Variants in CCDC171 observed in about 807,000 individuals in gnomAD.
CCDC171 encodes coiled-coil domain-containing protein 171.
Under a neutral mutation model 168.2 loss-of-function variants are expected in CCDC171, and 177 were observed. That is an observed-to-expected ratio of 1.05 (90% CI 0.93 to 1.19). The LOEUF (loss-of-function observed/expected upper bound fraction) is 1.19, where lower values mean the gene tolerates loss of function less well. Ranked by LOEUF, CCDC171 falls within the 50% of genes most tolerant of loss-of-function variation. The pLI is 0.00. For synonymous variants in CCDC171, 687 were observed against 540.8 expected, an observed-to-expected ratio of 1.27 and a Z score of -3.75; for missense variants, 1,991 against 1,539.0, an observed-to-expected ratio of 1.29 and a Z score of -4.91.
intron 24 of CCDC171, among the ~76,000 whole-genome samples, chr9:15,895,821 T>C (rs550630678): frequency 1.3e-5 from 2 of 152,156 alleles, no homozygotes; most frequent in South Asian, 4.1e-4. Context: ...AATTTACCAA[T>C]ATGACAAGCA....
intron 16 of CCDC171, among the ~76,000 whole-genome samples, chr9:15,733,050 T>A (rs2054251170): frequency 6.6e-6 from 1 of 152,158 alleles, no homozygotes; most frequent in South Asian, 2.1e-4. Context: ...CGATTTACAT[T>A]TTCCCTACTG....
At chr9:15,887,239 A>T (rs1819551863) in intron 24 of CCDC171, among the ~76,000 whole-genome samples, 2 of 152,310 alleles carry the variant, frequency 1.3e-5, no homozygotes, top group South Asian at 4.1e-4. Context: ...AAATATATAC[A>T]AACTTTATTT....
At chr9:15,832,521 C>T (rs1205765859) in intron 21 of CCDC171, among the ~76,000 whole-genome samples, 2 of 152,058 alleles carry the variant, frequency 1.3e-5, no homozygotes, top group East Asian at 3.9e-4. Flanking sequence ...ATGCTGTAGG[C>T]AATTGTAACA....
At chr9:15,901,371 C>T (rs1401886849) in intron 24 of CCDC171, among the ~76,000 whole-genome samples, 1 of 152,078 alleles carries the variant, frequency 6.6e-6, no homozygotes, top group Non-Finnish European at 1.5e-5. Context: ...AGCATAGGTT[C>T]ATTTTTGTTG....
At chr9:15,932,868 C>T (rs1457343713) in intron 25 of CCDC171, among the ~76,000 whole-genome samples, 2 of 151,630 alleles carry the variant, frequency 1.3e-5, no homozygotes, top group African/African-American at 2.4e-5. Context: ...CATATTTTGT[C>T]TTTATGTTAA....
At chr9:15,866,518 G>A (rs1206133972) in intron 23 of CCDC171, among the ~76,000 whole-genome samples, 3 of 152,012 alleles carry the variant, frequency 2.0e-5, no homozygotes, top group Non-Finnish European at 1.5e-5. Flanking sequence ...ACAGAAAGCA[G>A]CCTTTTTGCT....
At chr9:15,991,120 T>G (rs1197569800) in intron 3 of CCDC171, among the ~76,000 whole-genome samples, 1 of 152,168 alleles carries the variant, frequency 6.6e-6, no homozygotes, top group Non-Finnish European at 1.5e-5. Flanking sequence ...CAACAGAATA[T>G]ACATTCTTCT....
intron 21 of CCDC171, among the ~76,000 whole-genome samples, chr9:15,799,942 A>G (rs752121802): frequency 1.3e-5 from 2 of 152,126 alleles, no homozygotes; most frequent in South Asian, 2.1e-4. Context: ...TGTTGTTGCA[A>G]ATGACAAGAT....
chr9:15,785,114 A>T (rs919700535), intron 21 of CCDC171, among the ~76,000 whole-genome samples: 1 of 152,030 alleles, frequency 6.6e-6, no homozygotes, highest in African/African-American at 2.4e-5. Flanking sequence ...ATAAGTACAT[A>T]TTTGGGGAGA....
intron 6 of CCDC171, among the ~76,000 whole-genome samples, chr9:16,032,997 G>C (rs1050970020): frequency 6.6e-6 from 1 of 152,132 alleles, no homozygotes; most frequent in Non-Finnish European, 1.5e-5. Flanking sequence ...CTGGTTTAGC[G>C]TGGGTCACAT....
chr9:15,828,574 A>G (rs1304841404), intron 21 of CCDC171, among the ~76,000 whole-genome samples: 1 of 152,214 alleles, frequency 6.6e-6, no homozygotes. Flanking sequence ...AACACATTTC[A>G]TCTTGTACTG....
chr9:15,806,485 G>A (rs116394886), intron 21 of CCDC171, among the ~76,000 whole-genome samples: 2,634 of 152,020 alleles, frequency 0.017, 93 homozygotes, highest in African/African-American at 0.06. Context: ...TTTCTCCTTC[G>A]CTTATGAAGC....
chr9:15,719,568 G>A (rs1012077056), intron 11 of CCDC171, among the ~76,000 whole-genome samples: 1 of 151,768 alleles, frequency 6.6e-6, no homozygotes, highest in Non-Finnish European at 1.5e-5. Flanking sequence ...CTCCCTCAAG[G>A]CATTTAATAA....
At chr9:15,967,982 A>G (rs1830969087) in intron 25 of CCDC171, among the ~76,000 whole-genome samples, 1 of 152,208 alleles carries the variant, frequency 6.6e-6, no homozygotes, top group African/African-American at 2.4e-5. Flanking sequence ...TTTGTTTGAA[A>G]AACATTTGTA....
chr9:16,063,684 T>TTG (rs36025249), downstream of CCDC171, among the ~76,000 whole-genome samples: 27,592 of 152,170 alleles, frequency 0.18, 2,658 homozygotes, highest in Admixed American at 0.23. Context: ...CTTTTGGATA[T>TTG]TGTGTTCCTC....
At chr9:15,992,794 C>T (rs1303596396) in intron 3 of CCDC171, among the ~76,000 whole-genome samples, 1 of 152,150 alleles carries the variant, frequency 6.6e-6, no homozygotes, top group African/African-American at 2.4e-5. Context: ...TTCTTATACA[C>T]CAATAACGGA....
chr9:15,864,966 C>T lies in CCDC171; in HGVS notation c.3469-9566C>T, dbSNP rs147755446. Among the ~76,000 whole-genome samples, 7 of 152,086 alleles carry T rather than the reference C, an allele frequency of 4.6e-5. No individual in the cohort carries two copies. The East Asian group carries it at 1.2e-3, about 25-fold the overall frequency. ...GATTAACTGAAATGTTCCCTATGTA[C>T]GGCCATAACATACAGGCTTTAAAAG... On this transcript the variant is annotated intron_variant, in intron 23 of 25. Transcript: ENST00000380701.
chr9:15,686,309 G>T lies in CCDC171; in HGVS notation c.1215+7413G>T, dbSNP rs979953257. Among the ~76,000 whole-genome samples, 16 of 152,168 alleles carry T rather than the reference G, an allele frequency of 1.1e-4. No individual in the cohort carries two copies. In the South Asian group the frequency reaches 3.1e-3, roughly 30 times the overall value. On this transcript the variant is annotated intron_variant, in intron 10 of 25. Coordinates refer to ENST00000380701, the MANE Select transcript of CCDC171 (RefSeq NM_173550.4). ...TCCCAGACCCTATCTCATTTTAGTT[G>T]TGTGACTTTAGTGATATTCTTCCTC...
intron 21 of CCDC171, among the ~76,000 whole-genome samples, chr9:15,790,636 A>G (rs2058208418): frequency 6.6e-6 from 1 of 152,076 alleles, no homozygotes; most frequent in African/African-American, 2.4e-5. Context: ...TTTTGTTGCC[A>G]TTGCCTTTGG....
Sources: allele counts gnomAD v4.1 joint callset (sites outside exome capture counted in the v4.1 genomes callset), GRCh38; gene constraint gnomAD v4.1.1; transcripts MANE v1.5; gene names NCBI Gene and HGNC (gene_info 2026-07-23, HGNC 2026-07-21).